Variants in KALRN observed in about 807,000 individuals in gnomAD.
KALRN encodes the protein kalirin.
In KALRN, 70 loss-of-function variants were observed where a neutral mutation model predicts 353.7. That is an observed-to-expected ratio of 0.20 (90% CI 0.16 to 0.24). KALRN has a LOEUF of 0.24. Among genes scored for constraint, KALRN ranks in the 10% least tolerant of loss-of-function variants. The pLI is 1.00. For synonymous variants in KALRN, 1,391 were observed against 1,434.8 expected, an observed-to-expected ratio of 0.97 and a Z score of 0.69; for missense variants, 2,791 against 3,756.7, an observed-to-expected ratio of 0.74 and a Z score of 6.72.
intron 5 of KALRN, among the ~76,000 whole-genome samples, chr3:124,277,548 G>A (rs2074881343): frequency 6.6e-6 from 1 of 152,134 alleles, no homozygotes; most frequent in Admixed American, 6.5e-5. Context: ...CTAAGTCACC[G>A]TGTTCTACAG....
At chr3:124,307,886 A>G (rs994477753) in intron 6 of KALRN, among the ~76,000 whole-genome samples, 14 of 152,024 alleles carry the variant, frequency 9.2e-5, no homozygotes, top group African/African-American at 3.1e-4. Flanking sequence ...TTTAAAAAAT[A>G]TAAGACCCAA....
intron 1 of KALRN, among the ~76,000 whole-genome samples, chr3:124,223,899 A>C (rs1338964940): frequency 6.6e-6 from 1 of 152,194 alleles, no homozygotes; most frequent in Admixed American, 6.5e-5. Context: ...GGAGAAGCAA[A>C]AGTGGGGCTT....
At chr3:124,176,867 T>C (rs187563979) in intron 1 of KALRN, among the ~76,000 whole-genome samples, 49 of 152,332 alleles carry the variant, frequency 3.2e-4, no homozygotes, top group Non-Finnish European at 5.9e-5. Flanking sequence ...AATTACAGAC[T>C]GTTGGTGTTG....
Position 124,549,778 on chromosome 3 carries a change from A to G in KALRN, c.4936-13065A>G, listed in dbSNP as rs80060457. On this transcript the variant is annotated intron_variant, in intron 33 of 59. Transcript: ENST00000682506. ...GAATTGAGAGTTGTACTTGACCTCC[A>G]AAAGCAGGAAAGACAGGGTCTGGAG... Among the ~76,000 whole-genome samples, 1,473 of 152,230 alleles carry G rather than the reference A, an allele frequency of 9.7e-3. 18 individuals are homozygous for G. Among genetic ancestry groups the G allele is most frequent in the African/African-American group, 0.032 (1,329 of 41,540 alleles).
chr3:124,094,780 G>C, intron 1 of KALRN: 4 of 1,449,528 alleles, frequency 2.8e-6, no homozygotes, highest in East Asian at 2.3e-5. Flanking sequence ...TCGAGTCAGC[G>C]GTGGTGGGAT....
At chr3:124,385,994 A>G (rs2088236852) in intron 11 of KALRN, among the ~76,000 whole-genome samples, 1 of 152,274 alleles carries the variant, frequency 6.6e-6, no homozygotes, top group East Asian at 1.9e-4. Flanking sequence ...TTGAATTTTA[A>G]TATTGGGAAT....
intron 1 of KALRN, chr3:124,094,948 T>G (rs745902111): frequency 2.6e-6 from 4 of 1,532,938 alleles, no homozygotes; most frequent in East Asian, 2.2e-5. Flanking sequence ...CTGAGAGAGA[T>G]AAATACACAT....
chr3:124,420,570 A>G (rs1480425688), intron 14 of KALRN, among the ~76,000 whole-genome samples: 2 of 152,188 alleles, frequency 1.3e-5, no homozygotes, highest in Non-Finnish European at 2.9e-5. Flanking sequence ...TTGGTAATTG[A>G]AAATAGTAAC....
chr3:124,283,045 C>A (rs1170806826), intron 5 of KALRN, among the ~76,000 whole-genome samples: 3 of 152,236 alleles, frequency 2.0e-5, no homozygotes, highest in Non-Finnish European at 4.4e-5. Context: ...CACAGGGAAG[C>A]CTGCCTCCTC....
At chr3:124,071,398 A>C (rs2060012513) in intron 1 of KALRN, among the ~76,000 whole-genome samples, 1 of 152,224 alleles carries the variant, frequency 6.6e-6, no homozygotes, top group Non-Finnish European at 1.5e-5. Flanking sequence ...GTTCAAAACG[A>C]AGATCTCACC....
chr3:124,294,839 A>G (rs939799657), intron 5 of KALRN, among the ~76,000 whole-genome samples: 2 of 152,184 alleles, frequency 1.3e-5, no homozygotes, highest in Non-Finnish European at 2.9e-5. Context: ...AATGCATTCT[A>G]TACATTTCCA....
chr3:124,063,439 G>A lies in KALRN; in HGVS notation c.73+29626G>A, dbSNP rs146571809. ...GGTGGAGGGGTGGGTATTCACCCTTGGTGCCTGTACAGTGCTTACAAGGTA... is the reference window on the plus strand; with the variant it reads ...GGTGGAGGGGTGGGTATTCACCCTTAGTGCCTGTACAGTGCTTACAAGGTA... On this transcript the variant is annotated intron_variant, in intron 1 of 59. Transcript: ENST00000682506. Among the ~76,000 whole-genome samples, 5 of 152,292 alleles carry A rather than the reference G, an allele frequency of 3.3e-5. No homozygotes were observed. In the East Asian group the frequency reaches 9.7e-4, roughly 29 times the overall value.
At chr3:124,081,141 T>C (rs1332711818) in intron 1 of KALRN, among the ~76,000 whole-genome samples, 2 of 152,232 alleles carry the variant, frequency 1.3e-5, no homozygotes, top group South Asian at 2.1e-4. Context: ...TCACCTTCTA[T>C]GACATTCTCC....
chr3:124,233,205 T>C (rs752658212), intron 2 of KALRN, among the ~76,000 whole-genome samples: 1 of 152,118 alleles, frequency 6.6e-6, no homozygotes, highest in Non-Finnish European at 1.5e-5. Flanking sequence ...ACAACAGCTA[T>C]GGTAAAACAA....
In KALRN at chr3:124,699,993, T is replaced by C; in HGVS notation, c.7956T>C (p.Leu2652=). ...VSASNPWGIS[L]PSEPSEFVRL... Reference sequence around the variant, plus strand: ...CCAGTAACCCCTGGGGAATCAGCCTTCCCAGCGAGCCCTCGGAGTTTGTGC... The same window carrying C: ...CCAGTAACCCCTGGGGAATCAGCCTCCCCAGCGAGCCCTCGGAGTTTGTGC... The change falls in exon 56 of 60, where the codon CTT becomes CTC. Residue 2652 remains leucine (L), a synonymous_variant. Transcript: ENST00000682506. The C allele has an allele frequency of 6.2e-7, 1 of 1,614,084 alleles. No individual in the cohort carries two copies. Among genetic ancestry groups the C allele is most frequent in the Non-Finnish European group, 8.5e-7 (1 of 1,180,012 alleles).
chr3:124,438,766 C>G (rs2093566959), intron 17 of KALRN, 122 bp from the exon 18 acceptor site: 6 of 787,684 alleles, frequency 7.6e-6, no homozygotes, highest in Non-Finnish European at 1.2e-5. Context: ...TCTTAGATGT[C>G]TCAGAGGCAT....
At chr3:124,093,535 G>A (rs982016504) in intron 1 of KALRN, among the ~76,000 whole-genome samples, 13 of 152,334 alleles carry the variant, frequency 8.5e-5, no homozygotes, top group African/African-American at 2.2e-4. Flanking sequence ...TGGGCACCCC[G>A]TCATGCCCCA....
intron 1 of KALRN, among the ~76,000 whole-genome samples, chr3:124,172,783 T>A (rs983163884): frequency 6.6e-6 from 1 of 152,036 alleles, no homozygotes; most frequent in Non-Finnish European, 1.5e-5. Flanking sequence ...CAGGAAGTAA[T>A]GGGGTAAGAC....
At chr3:124,397,656 C>T (rs2090328291) in intron 12 of KALRN, among the ~76,000 whole-genome samples, 1 of 152,180 alleles carries the variant, frequency 6.6e-6, no homozygotes, top group South Asian at 2.1e-4. Flanking sequence ...TTATCACCAC[C>T]TCATTTTGCT....
Sources: gnomAD v4.1 joint callset for allele counts (sites outside exome capture counted in the v4.1 genomes callset) on GRCh38, gnomAD v4.1.1 for gene constraint, MANE v1.5 for transcripts, NCBI Gene and HGNC (gene_info 2026-07-23, HGNC 2026-07-21) for gene names.